NPAS3: variants seen among roughly 807,000 people sequenced by gnomAD.
NPAS3 encodes the protein neuronal PAS domain-containing protein 3.
NPAS3 carries 14 observed loss-of-function variants against 73.1 expected under a neutral mutation model. That is an observed-to-expected ratio of 0.19 (90% CI 0.13 to 0.30). NPAS3 has a LOEUF of 0.30. Among genes scored for constraint, NPAS3 ranks in the 10% least tolerant of loss-of-function variants. The pLI is 1.00. For synonymous variants in NPAS3, 620 were observed against 541.5 expected (o/e 1.14, Z -2.01); for missense variants, 1,096 against 1,250.0 (o/e 0.88, Z 1.86).
chr14:33,452,774 CAAAAAAAAAAAAA>C (rs61640170), intron 4 of NPAS3, among the ~76,000 whole-genome samples: 3 of 53,840 alleles, frequency 5.6e-5, no homozygotes, highest in Admixed American at 3.4e-4. Flanking sequence ...GACTCTGTCT[CAAAAAAAAAAAAA>C]AAAAAAAAAA....
chr14:33,042,147 T>C (rs1299100500), intron 1 of NPAS3, among the ~76,000 whole-genome samples: 1 of 152,174 alleles, frequency 6.6e-6, no homozygotes, highest in African/African-American at 2.4e-5. Flanking sequence ...CAGGTAAAAC[T>C]GTGGGCACTG....
chr14:32,956,443 ATGAT>A (rs1227341957), intron 1 of NPAS3, among the ~76,000 whole-genome samples: 7 of 152,198 alleles, frequency 4.6e-5, no homozygotes, highest in African/African-American at 1.4e-4. Context: ...GCTCCTCACC[ATGAT>A]TGATTGATAG....
chr14:33,682,240 C>T (rs756113194), intron 6 of NPAS3, among the ~76,000 whole-genome samples: 22 of 152,140 alleles, frequency 1.4e-4, no homozygotes, highest in Non-Finnish European at 2.8e-4. Flanking sequence ...TGCATTCCTA[C>T]TGGGGCTGTA....
intron 4 of NPAS3, among the ~76,000 whole-genome samples, chr14:33,446,729 ATCTT>A (rs2049526336): frequency 6.6e-6 from 1 of 152,178 alleles, no homozygotes; most frequent in Non-Finnish European, 1.5e-5. Context: ...ATTTTATAAA[ATCTT>A]TATGACTTTC....
chr14:33,421,122 A>G (rs1320699470), intron 4 of NPAS3, among the ~76,000 whole-genome samples: 4 of 151,902 alleles, frequency 2.6e-5, no homozygotes, highest in African/African-American at 9.7e-5. Flanking sequence ...CTATACCTGA[A>G]GCCTCAAGGA....
At chr14:33,444,110 C>G (rs114593950) in intron 4 of NPAS3, among the ~76,000 whole-genome samples, 2 of 152,144 alleles carry the variant, frequency 1.3e-5, no homozygotes, top group Non-Finnish European at 2.9e-5. Context: ...GAGAGACATT[C>G]GATTTAGAAT....
At chr14:32,938,201 T>A (rs1297131534), upstream of NPAS3, among the ~76,000 whole-genome samples, 1 of 152,106 alleles carries the variant, frequency 6.6e-6, no homozygotes. Context: ...GTGCTTGTGC[T>A]GCTGCTGCAC....
intron 2 of NPAS3, among the ~76,000 whole-genome samples, chr14:33,174,570 T>G (rs1158918248): frequency 6.6e-6 from 1 of 152,246 alleles, no homozygotes; most frequent in East Asian, 1.9e-4. Context: ...GTTAGTCCCC[T>G]GCTTCTGCTA....
intron 3 of NPAS3, among the ~76,000 whole-genome samples, chr14:33,362,462 A>G (rs1247878558): frequency 6.6e-6 from 1 of 152,186 alleles, no homozygotes; most frequent in Non-Finnish European, 1.5e-5. Context: ...AGATTCTTCA[A>G]GGGAATCCCT....
chr14:33,693,741 A>G (rs527968973), intron 6 of NPAS3, among the ~76,000 whole-genome samples: 4 of 152,350 alleles, frequency 2.6e-5, no homozygotes, highest in Admixed American at 2.0e-4. Context: ...TTGTTTTCAC[A>G]TTACTTAGGT....
intron 7 of NPAS3, among the ~76,000 whole-genome samples, chr14:33,745,325 C>T (rs2061761046): frequency 6.6e-6 from 1 of 152,176 alleles, no homozygotes; most frequent in Non-Finnish European, 1.5e-5. Flanking sequence ...ACCGTTTGAC[C>T]TTTATTATCT....
chr14:33,658,563 G>GT (rs1429612669), intron 5 of NPAS3, among the ~76,000 whole-genome samples: 1 of 152,154 alleles, frequency 6.6e-6, no homozygotes, highest in African/African-American at 2.4e-5. Context: ...AAACACACCA[G>GT]TATAGAGCTG....
intron 4 of NPAS3, among the ~76,000 whole-genome samples, chr14:33,481,667 A>G (rs2051330412): frequency 6.6e-6 from 1 of 152,186 alleles, no homozygotes; most frequent in Admixed American, 6.5e-5. Context: ...ACTTAGCAAG[A>G]ATCTCTGAAA....
chr14:33,488,356 CTT>C (rs979799191), intron 4 of NPAS3, among the ~76,000 whole-genome samples: 1 of 151,828 alleles, frequency 6.6e-6, no homozygotes, highest in Non-Finnish European at 1.5e-5. Context: ...GCTGGCAACT[CTT>C]TTGAGTTTTA....
intron 2 of NPAS3, among the ~76,000 whole-genome samples, chr14:33,167,322 G>A (rs1481017612): frequency 6.6e-6 from 1 of 152,032 alleles, no homozygotes; most frequent in Non-Finnish European, 1.5e-5. Context: ...CTAGAGAGAG[G>A]GCTCCCAGGG....
chr14:33,775,356 G>A (rs1291786365), intron 8 of NPAS3, among the ~76,000 whole-genome samples: 2 of 152,146 alleles, frequency 1.3e-5, no homozygotes, highest in Non-Finnish European at 2.9e-5. Flanking sequence ...GAAATACTGC[G>A]TCAATTTGGG....
At chr14:33,516,535 C>A (rs1423780979) in intron 4 of NPAS3, among the ~76,000 whole-genome samples, 1 of 152,126 alleles carries the variant, frequency 6.6e-6, no homozygotes, top group African/African-American at 2.4e-5. Flanking sequence ...GTCAGACTAT[C>A]TAGCTTCAGA....
At position 33,607,941 on chromosome 14, in the gene NPAS3, G is replaced by C. The variant is rs576428439; in HGVS notation, c.558+47731G>C. On this transcript the variant is annotated intron_variant, in intron 5 of 11. Transcript: ENST00000356141. ...GACTGCTTGAGAACTCACTATCATG[G>C]GAATAGCGTGGGGGAAGCTGCCCCC... Among the ~76,000 whole-genome samples the C allele has an allele frequency of 1.9e-4, 29 of 152,194 alleles. No individual in the cohort carries two copies. The East Asian group carries it at 5.6e-3, about 30-fold the overall frequency.
chr14:33,101,126 C>T (rs1225609570), intron 2 of NPAS3, among the ~76,000 whole-genome samples: 13 of 151,968 alleles, frequency 8.6e-5, no homozygotes, highest in Admixed American at 1.3e-4. Context: ...ATACCATCAC[C>T]GCCCTGCCCC....
Sources: allele counts gnomAD v4.1 joint callset (sites outside exome capture counted in the v4.1 genomes callset), GRCh38; gene constraint gnomAD v4.1.1; transcripts MANE v1.5; gene names NCBI Gene and HGNC (gene_info 2026-07-23, HGNC 2026-07-21).